The following MARCHF1 variants were observed in gnomAD, a reference collection of about 807,000 sequenced individuals.
MARCHF1 encodes membrane associated ring-CH-type finger 1.
Under a neutral mutation model 54.2 loss-of-function variants are expected in MARCHF1, and 40 were observed. That is an observed-to-expected ratio of 0.74 (90% CI 0.57 to 0.96). The LOEUF (loss-of-function observed/expected upper bound fraction) is 0.96. Ranked by LOEUF, MARCHF1 falls within the 40% of genes least tolerant of loss-of-function variation. The probability of loss-of-function intolerance (pLI) is 0.00; values close to 1 mark genes in which losing one functional copy is unlikely to be tolerated. For synonymous variants in MARCHF1, 236 were observed against 236.3 expected, an observed-to-expected ratio of 1.00 and a Z score of 0.01; for missense variants, 586 against 656.5, an observed-to-expected ratio of 0.89 and a Z score of 1.17.
intron 4 of MARCHF1, among the ~76,000 whole-genome samples, chr4:163,768,329 C>T (rs560185203): frequency 3.3e-5 from 5 of 152,244 alleles, no homozygotes; most frequent in South Asian, 4.1e-4. Context: ...GGGCTTACTT[C>T]GTCTCTTGTT....
chr4:164,320,809 G>A (rs1230124357), intron 1 of MARCHF1, among the ~76,000 whole-genome samples: 4 of 151,956 alleles, frequency 2.6e-5, no homozygotes, highest in African/African-American at 9.7e-5. Context: ...GGGGGAGTGG[G>A]GCTGGGGGGT....
At chr4:164,024,938 C>G (rs1442042495) in intron 2 of MARCHF1, among the ~76,000 whole-genome samples, 1 of 151,558 alleles carries the variant, frequency 6.6e-6, no homozygotes, top group Non-Finnish European at 1.5e-5. Context: ...AGTCACTATT[C>G]TTATATCGGA....
intron 3 of MARCHF1, among the ~76,000 whole-genome samples, chr4:163,976,970 A>T (rs1047966807): frequency 3.3e-5 from 5 of 152,146 alleles, no homozygotes; most frequent in Admixed American, 2.6e-4. Flanking sequence ...GTTAAAAAAT[A>T]GTTCTGTTAA....
chr4:163,758,003 CATG>C (rs1201441335), intron 4 of MARCHF1, among the ~76,000 whole-genome samples: 2 of 152,034 alleles, frequency 1.3e-5, no homozygotes, highest in Non-Finnish European at 2.9e-5. Flanking sequence ...TAAAAAAATG[CATG>C]ATGAGATTTT....
In MARCHF1 at chr4:164,109,858, A is replaced by G. The variant is rs1416882904; in HGVS notation, c.-248+1730T>C. ...ATCTGTACAACAAACCCCCGGGACA[A>G]GAGTTTACCTATGTGACAAACCTTC... On this transcript the variant is annotated intron_variant, in intron 2 of 9. Transcript: ENST00000514618. Among the ~76,000 whole-genome samples the G allele has an allele frequency of 2.1e-5, 3 of 145,196 alleles. No individual in the cohort carries two copies. In the East Asian group the frequency reaches 6.1e-4, roughly 29 times the overall value.
intron 3 of MARCHF1, among the ~76,000 whole-genome samples, chr4:163,964,266 T>C (rs753984658): frequency 2.0e-5 from 3 of 152,014 alleles, no homozygotes; most frequent in Non-Finnish European, 2.9e-5. Context: ...ATAACTTTTT[T>C]TAAAAACTTC....
At chr4:163,578,611 T>C (rs1460553974) in intron 8 of MARCHF1, among the ~76,000 whole-genome samples, 1 of 152,170 alleles carries the variant, frequency 6.6e-6, no homozygotes, top group Non-Finnish European at 1.5e-5. Context: ...GAAACATTAA[T>C]TTTTCTATGT....
intron 3 of MARCHF1, among the ~76,000 whole-genome samples, chr4:163,916,358 A>C (rs1751306644): frequency 7.5e-6 from 1 of 132,606 alleles, no homozygotes; most frequent in African/African-American, 3.2e-5. Context: ...TGGCACCAAA[A>C]TTGGGTGTTC....
In MARCHF1 at chr4:164,370,031, G is replaced by A. The variant is rs115636486; in HGVS notation, c.-323+13839C>T. Reference sequence around the variant, plus strand: ...CAAAAACCTAAGCAAGATCTTCACAGAAGACGTTAATTATACCATCATTGC... The same window carrying A: ...CAAAAACCTAAGCAAGATCTTCACAAAAGACGTTAATTATACCATCATTGC... On this transcript the variant is annotated intron_variant, in intron 1 of 9. Coordinates refer to ENST00000514618, the MANE Select transcript of MARCHF1 (RefSeq NM_001394959.1). Among the ~76,000 whole-genome samples the A allele has an allele frequency of 4.8e-3, 726 of 152,288 alleles. 6 individuals are homozygous for A. Among genetic ancestry groups the A allele is most frequent in the African/African-American group, 0.016 (658 of 41,564 alleles).
intron 3 of MARCHF1, among the ~76,000 whole-genome samples, chr4:163,926,201 C>A (rs962525474): frequency 3.3e-5 from 5 of 151,630 alleles, no homozygotes; most frequent in African/African-American, 1.2e-4. Context: ...TTCAGAAAAC[C>A]ATAGGCTAGT....
chr4:164,220,195 T>C (rs1732051802), intron 1 of MARCHF1, among the ~76,000 whole-genome samples: 1 of 149,158 alleles, frequency 6.7e-6, no homozygotes, highest in African/African-American at 2.5e-5. Flanking sequence ...TATATTTCCA[T>C]ATATGTGTAT....
At chr4:163,537,488 C>T (rs528374594) in intron 9 of MARCHF1, among the ~76,000 whole-genome samples, 63 of 152,230 alleles carry the variant, frequency 4.1e-4, no homozygotes, top group Non-Finnish European at 7.4e-4. Flanking sequence ...TTCTATTTGC[C>T]GATTTCGCAG....
intron 4 of MARCHF1, among the ~76,000 whole-genome samples, chr4:163,766,906 A>G (rs1746992558): frequency 6.6e-6 from 1 of 152,196 alleles, no homozygotes; most frequent in Non-Finnish European, 1.5e-5. Flanking sequence ...TCATATGTAA[A>G]AAATAGTTTC....
intron 1 of MARCHF1, among the ~76,000 whole-genome samples, chr4:164,228,861 A>T (rs111231516): frequency 6.6e-6 from 1 of 152,186 alleles, no homozygotes; most frequent in Non-Finnish European, 1.5e-5. Context: ...AGGAAGACAA[A>T]GTAATGCCCA....
At chr4:163,773,523 CCTTG>C (rs1412383756) in intron 4 of MARCHF1, among the ~76,000 whole-genome samples, 2 of 152,084 alleles carry the variant, frequency 1.3e-5, no homozygotes, top group African/African-American at 4.8e-5. Flanking sequence ...GCTGTGGTTA[CCTTG>C]CTAATAGTGA....
At chr4:164,181,203 G>A (rs951127302) in intron 1 of MARCHF1, among the ~76,000 whole-genome samples, 3 of 151,986 alleles carry the variant, frequency 2.0e-5, no homozygotes, top group Non-Finnish European at 2.9e-5. Flanking sequence ...GTGTGAACAC[G>A]TCCTCTGCCT....
At chr4:163,706,704 T>C (rs990219941) in intron 4 of MARCHF1, among the ~76,000 whole-genome samples, 2 of 151,980 alleles carry the variant, frequency 1.3e-5, no homozygotes, top group African/African-American at 2.4e-5. Flanking sequence ...AATTAAATCT[T>C]CAATAGAATT....
intron 2 of MARCHF1, among the ~76,000 whole-genome samples, chr4:164,072,931 A>G (rs1754899848): frequency 6.6e-6 from 1 of 152,212 alleles, no homozygotes; most frequent in African/African-American, 2.4e-5. Context: ...TCAAATTAGT[A>G]GTAGTGATAT....
At chr4:164,066,382 G>A (rs1231782615) in intron 2 of MARCHF1, among the ~76,000 whole-genome samples, 1 of 152,172 alleles carries the variant, frequency 6.6e-6, no homozygotes. Context: ...TGCTGGTGAG[G>A]TTGTGGAGAA....
Sources: allele counts gnomAD v4.1 joint callset (sites outside exome capture counted in the v4.1 genomes callset), GRCh38; gene constraint gnomAD v4.1.1; transcripts MANE v1.5; gene names NCBI Gene and HGNC (gene_info 2026-07-23, HGNC 2026-07-21).